NARF: variants seen among roughly 807,000 people sequenced by gnomAD.
The protein encoded by NARF is nuclear prelamin A recognition factor.
NARF carries 41 observed loss-of-function variants against 48.0 expected under a neutral mutation model. That is an observed-to-expected ratio of 0.85 (90% CI 0.66 to 1.11). NARF has a LOEUF of 1.11. Among genes scored for constraint, NARF ranks in the 50% least tolerant of loss-of-function variants. The pLI is 0.00. For synonymous variants in NARF, 215 were observed against 225.5 expected (o/e 0.95, Z 0.42); for missense variants, 613 against 590.2 (o/e 1.04, Z -0.40).
At chr17:82,464,650 G>C (rs980475536) in intron 3 of NARF, among the ~76,000 whole-genome samples, 3 of 152,252 alleles carry the variant, frequency 2.0e-5, no homozygotes, top group Admixed American at 6.5e-5. Flanking sequence ...AGGCAGTGGT[G>C]GGGGGCTGGC....
rs757120158 is a variant in NARF, at chr17:82,478,859, G to T, written c.580G>T (p.Ala194Ser). The T allele has an allele frequency of 1.9e-6, 3 of 1,613,896 alleles. No individual in the cohort carries two copies. The African/African-American group carries it at 4.0e-5, about 22-fold the overall frequency. The change falls in exon 6 of 11, where the codon GCC becomes TCC. Residue 194 changes from alanine (A) to serine (S), a missense_variant. Coordinates refer to ENST00000309794, the MANE Select transcript of NARF (RefSeq NM_012336.4). ...CCCCATCACTGCCCACCTCTGCACC[G>T]CCAAGTCCCCCCAGCAGGTCATGGG... Reference protein sequence around the residue: ...GRPITAHLCTAKSPQQVMGSL... With the variant: ...GRPITAHLCTSKSPQQVMGSL...
intron 2 of NARF, 91 bp from the exon 3 acceptor site, chr17:82,464,196 T>A: frequency 6.7e-7 from 1 of 1,493,246 alleles, no homozygotes; most frequent in Non-Finnish European, 9.1e-7. Flanking sequence ...CAATGTTTAC[T>A]GTGAATTCTG....
upstream of NARF, chr17:82,458,523 C>G (rs28365945): frequency 0.43 from 170,045 of 391,406 alleles, 42,213 homozygotes; most frequent in East Asian, 0.92. Context: ...GTGGAGTGAG[C>G]CTGCGGTCCG....
At position 82,458,774 on chromosome 17, in the gene NARF, G is replaced by T; in HGVS notation, c.-30G>T. Reference sequence around the variant, plus strand: ...CTCCCGGTGCTTCCCTGAGGCTGAGGCGCCCGGCCTCCCGCCCGCCGCGCT... The same window carrying T: ...CTCCCGGTGCTTCCCTGAGGCTGAGTCGCCCGGCCTCCCGCCCGCCGCGCT... On this transcript the variant is annotated 5_prime_UTR_variant, in exon 1 of 11. Coordinates refer to ENST00000309794, the MANE Select transcript of NARF (RefSeq NM_012336.4). 6.8e-7 allele frequency: 1 copy of T among 1,466,214 alleles called. No individual in the cohort carries two copies. The allele number at this position is 1,466,214 out of a possible 1,614,324, so 90.8% of individuals were successfully genotyped here. A position where few individuals can be genotyped will look rare whatever the true frequency, so the allele number is the denominator to read the frequency against.
At chr17:82,472,831 T>G (rs1173058283) in intron 5 of NARF, 133 bp downstream of exon 5, 2 of 1,141,680 alleles carry the variant, frequency 1.8e-6, no homozygotes, top group African/African-American at 1.6e-5. Flanking sequence ...GGGAAGAGCT[T>G]GGCCTGATTC....
chr17:82,480,443 C>T (rs1214895413), intron 6 of NARF: 4 of 402,008 alleles, frequency 1.0e-5, no homozygotes, highest in Non-Finnish European at 1.8e-5. Flanking sequence ...CCCGGTTCTT[C>T]CAGGAGGCTC....
intron 3 of NARF, 151 bp downstream of exon 3, chr17:82,464,581 C>T (rs2043516937): frequency 5.1e-6 from 5 of 979,748 alleles, no homozygotes; most frequent in Non-Finnish European, 5.8e-6. Flanking sequence ...TTTGACCTTC[C>T]AAACCTCTCC....
In NARF at chr17:82,468,754, C is replaced by T. The variant is rs1344053029; in HGVS notation, c.253-10C>T. The T allele has an allele frequency of 4.3e-6, 7 of 1,613,010 alleles. No individual in the cohort carries two copies. The highest frequency in any genetic ancestry group is 5.9e-6 in the Non-Finnish European group (7 of 1,179,576). On this transcript the variant is annotated splice_polypyrimidine_tract_variant and intron_variant, in intron 3 of 10. Coordinates refer to ENST00000309794, the MANE Select transcript of NARF (RefSeq NM_012336.4). ...AGCAGATACCTAACATTCTCTATTT[C>T]TCCTTCTAGAAATGTGATACCTCAA...
rs147883404 is a variant in NARF, at chr17:82,481,623, G to A, written c.769+412G>A. Among the ~76,000 whole-genome samples, 42 of 152,108 alleles carry A rather than the reference G, an allele frequency of 2.8e-4. No individual in the cohort carries two copies. The East Asian group carries it at 7.7e-3, about 28-fold the overall frequency. On this transcript the variant is annotated intron_variant, in intron 7 of 10. Coordinates refer to ENST00000309794, the MANE Select transcript of NARF (RefSeq NM_012336.4). ...CACATGCCTGTAATCCCAGCTGCTC[G>A]GGAGGCTGAGGCAGGAGAATCGCTT...
chr17:82,463,847 C>A (rs974174835), intron 2 of NARF: 48 of 161,946 alleles, frequency 3.0e-4, no homozygotes, highest in African/African-American at 1.2e-3. Context: ...AAGGGAGAGG[C>A]CAGGGCTGTG....
chr17:82,483,649 C>G (rs1401075043), intron 7 of NARF, 67 bp from the exon 8 acceptor site: 4 of 1,485,366 alleles, frequency 2.7e-6, no homozygotes, highest in Non-Finnish European at 2.8e-6. Flanking sequence ...GTCAAATCTC[C>G]TGCAGGGGAA....
intron 10 of NARF, among the ~76,000 whole-genome samples, chr17:82,486,032 AG>A (rs2044088116): frequency 6.6e-6 from 1 of 151,950 alleles, no homozygotes. Context: ...CTCTGTCCTG[AG>A]TGATGGGAGA....
intron 3 of NARF, chr17:82,468,353 C>CTGTTTTT (rs2043620233): frequency 7.1e-6 from 1 of 140,518 alleles, no homozygotes; most frequent in African/African-American, 2.7e-5. Flanking sequence ...GGGTGAAACT[C>CTGTTTTT]TTTTTTTTTT....
At chr17:82,468,104 G>GT (rs2043613412) in intron 3 of NARF, among the ~76,000 whole-genome samples, 1 of 152,062 alleles carries the variant, frequency 6.6e-6, no homozygotes, top group African/African-American at 2.4e-5. Flanking sequence ...AAGGTCAGGA[G>GT]TTTGAGACCA....
chr17:82,461,681 C>T (rs925253358), intron 2 of NARF, among the ~76,000 whole-genome samples: 2 of 152,210 alleles, frequency 1.3e-5, no homozygotes, highest in Non-Finnish European at 2.9e-5. Context: ...TAAGCCTGGC[C>T]ATTATCCCTG....
chr17:82,479,423 C>G (rs2043909383), intron 6 of NARF, among the ~76,000 whole-genome samples: 1 of 152,192 alleles, frequency 6.6e-6, no homozygotes, highest in Non-Finnish European at 1.5e-5. Flanking sequence ...TGATGCTGTC[C>G]TCCTCTTGAT....
At chr17:82,464,552 G>A (rs2043516284) in intron 3 of NARF, 122 bp downstream of exon 3, 3 of 1,257,698 alleles carry the variant, frequency 2.4e-6, no homozygotes, top group Non-Finnish European at 3.2e-6. Flanking sequence ...GCCTTTTCCT[G>A]GTGTTGCTAA....
intron 4 of NARF, 113 bp downstream of exon 4, chr17:82,469,009 A>AGTCTC: frequency 8.2e-7 from 1 of 1,214,026 alleles, no homozygotes; most frequent in Non-Finnish European, 1.1e-6. Flanking sequence ...CTTCCAAAAG[A>AGTCTC]GTCTCTTGGA....
intron 10 of NARF, among the ~76,000 whole-genome samples, chr17:82,486,266 C>T (rs2143967868): frequency 6.6e-6 from 1 of 152,204 alleles, no homozygotes; most frequent in Middle Eastern, 3.4e-3. Flanking sequence ...AAGAAGGGGA[C>T]CCTCTGCCCC....
Sources: gnomAD v4.1 joint callset for allele counts (sites outside exome capture counted in the v4.1 genomes callset) on GRCh38, gnomAD v4.1.1 for gene constraint, MANE v1.5 for transcripts, NCBI Gene and HGNC (gene_info 2026-07-23, HGNC 2026-07-21) for gene names.